CEP128: variants seen among roughly 807,000 people sequenced by gnomAD.
CEP128 encodes the protein centrosomal protein 128, also known as centrosomal protein 128kDa.
A neutral mutation model predicts 156.7 loss-of-function variants in CEP128; 132 were observed. That is an observed-to-expected ratio of 0.84 (90% CI 0.73 to 0.97). The LOEUF (loss-of-function observed/expected upper bound fraction) is 0.97, where lower values mean the gene tolerates loss of function less well. Ranked by LOEUF, CEP128 falls within the 50% of genes least tolerant of loss-of-function variation. The pLI is 0.00. For synonymous variants in CEP128, 469 were observed against 448.9 expected (o/e 1.04, Z -0.57); for missense variants, 1,252 against 1,281.9 (o/e 0.98, Z 0.36).
intron 19 of CEP128, among the ~76,000 whole-genome samples, chr14:80,665,108 A>C (rs1473419521): frequency 6.6e-6 from 1 of 152,210 alleles, no homozygotes; most frequent in African/African-American, 2.4e-5. Context: ...TTAGGTGTCA[A>C]GTGCTTGAAG....
chr14:80,814,680 G>A (rs138884894), intron 13 of CEP128, among the ~76,000 whole-genome samples: 23 of 152,184 alleles, frequency 1.5e-4, no homozygotes, highest in East Asian at 5.8e-4. Context: ...TCTTCTGGGC[G>A]TTGGTCTAAG....
chr14:80,519,368 C>T (rs1057276852), intron 23 of CEP128, among the ~76,000 whole-genome samples: 1 of 152,094 alleles, frequency 6.6e-6, no homozygotes, highest in African/African-American at 2.4e-5. Flanking sequence ...TTAATGATAC[C>T]CACCAAGTAT....
intron 14 of CEP128, among the ~76,000 whole-genome samples, chr14:80,791,421 G>C (rs1205250011): frequency 6.6e-6 from 1 of 152,136 alleles, no homozygotes; most frequent in African/African-American, 2.4e-5. Context: ...ACCTAGAAAA[G>C]TCTCAGCACC....
chr14:80,645,012 T>C (rs1894576250), intron 19 of CEP128, among the ~76,000 whole-genome samples: 1 of 152,162 alleles, frequency 6.6e-6, no homozygotes, highest in South Asian at 2.1e-4. Flanking sequence ...CAAACGTTGA[T>C]AAATGAGACA....
chr14:80,693,138 G>A (rs1211621715), intron 19 of CEP128, among the ~76,000 whole-genome samples: 1 of 152,088 alleles, frequency 6.6e-6, no homozygotes, highest in Admixed American at 6.6e-5. Flanking sequence ...TTTGAAAAAA[G>A]CAGCATCAGT....
chr14:80,719,386 C>T (rs1045705723), intron 19 of CEP128, among the ~76,000 whole-genome samples: 1 of 152,200 alleles, frequency 6.6e-6, no homozygotes, highest in African/African-American at 2.4e-5. Context: ...CTCAGCTAGT[C>T]CTAGAATTAT....
chr14:80,867,168 T>G (rs1887806640), intron 8 of CEP128, among the ~76,000 whole-genome samples: 1 of 152,202 alleles, frequency 6.6e-6, no homozygotes, highest in South Asian at 2.1e-4. Flanking sequence ...TAAGGGTTAC[T>G]TGAACAAAAG....
At chr14:80,945,289 A>G (rs563478706), upstream of CEP128, among the ~76,000 whole-genome samples, 9 of 152,228 alleles carry the variant, frequency 5.9e-5, no homozygotes, top group African/African-American at 1.7e-4. Context: ...AGAACTTTAT[A>G]CTATAGCCTA....
intron 20 of CEP128, among the ~76,000 whole-genome samples, chr14:80,576,569 C>G (rs1049929963): frequency 6.6e-5 from 10 of 152,092 alleles, no homozygotes; most frequent in African/African-American, 2.2e-4. Flanking sequence ...GCTCCACCCC[C>G]CCTGCCGTTT....
chr14:80,648,754 C>G (rs761360909), intron 19 of CEP128, among the ~76,000 whole-genome samples: 2 of 151,928 alleles, frequency 1.3e-5, no homozygotes, highest in Non-Finnish European at 2.9e-5. Context: ...TAATTAAACA[C>G]TAGTTTAAAA....
chr14:80,551,145 TC>T (rs1417184943), intron 21 of CEP128, among the ~76,000 whole-genome samples: 15 of 152,334 alleles, frequency 9.8e-5, no homozygotes, highest in African/African-American at 3.4e-4. Flanking sequence ...TACAAAGTTC[TC>T]TTTTGACTTT....
Position 80,589,345 on chromosome 14 carries a change from T to C in CEP128, c.2807-8922A>G, listed in dbSNP as rs58599638. On this transcript the variant is annotated intron_variant, in intron 19 of 24. Coordinates refer to ENST00000555265, the MANE Select transcript of CEP128 (RefSeq NM_152446.5). Reference sequence around the variant, plus strand: ...AAACTAACACACCTTAGAACTTTCATTAAGTAATAAATTCAACTCTAAGAA... The same window carrying C: ...AAACTAACACACCTTAGAACTTTCACTAAGTAATAAATTCAACTCTAAGAA... Among the ~76,000 whole-genome samples the C allele has an allele frequency of 5.7e-3, 866 of 152,240 alleles. 6 individuals carry two copies. The highest frequency in any genetic ancestry group is 0.02 in the African/African-American group (827 of 41,562).
intron 19 of CEP128, among the ~76,000 whole-genome samples, chr14:80,664,236 A>G (rs1488170380): frequency 1.3e-5 from 2 of 152,166 alleles, no homozygotes; most frequent in East Asian, 3.9e-4. Context: ...GCCTCAAGAA[A>G]AGAAAAGAAG....
intron 9 of CEP128, among the ~76,000 whole-genome samples, chr14:80,849,200 CAA>C (rs1244240562): frequency 6.6e-6 from 1 of 151,996 alleles, no homozygotes; most frequent in African/African-American, 2.4e-5. Flanking sequence ...AAATATAAAA[CAA>C]ATTATTTTAT....
intron 18 of CEP128, among the ~76,000 whole-genome samples, chr14:80,756,412 G>C (rs1024343202): frequency 6.6e-6 from 1 of 152,024 alleles, no homozygotes; most frequent in Non-Finnish European, 1.5e-5. Context: ...CAATCTCAGG[G>C]CATTATCTGT....
At chr14:80,656,042 T>C (rs1360171663) in intron 19 of CEP128, among the ~76,000 whole-genome samples, 1 of 151,672 alleles carries the variant, frequency 6.6e-6, no homozygotes, top group Non-Finnish European at 1.5e-5. Context: ...CCTTCCATGT[T>C]GCATATTGTT....
At chr14:80,932,160 G>A (rs1325914979) in intron 2 of CEP128, among the ~76,000 whole-genome samples, 2 of 152,344 alleles carry the variant, frequency 1.3e-5, no homozygotes, top group South Asian at 2.1e-4. Context: ...CTTCCACCAC[G>A]ATTGTAGGTT....
chr14:80,592,669 T>C (rs1288635768), intron 19 of CEP128, among the ~76,000 whole-genome samples: 1 of 152,182 alleles, frequency 6.6e-6, no homozygotes, highest in Non-Finnish European at 1.5e-5. Context: ...ACCATCCTGA[T>C]ACGAAAACCA....
rs138362072 is a variant in CEP128 at position 80,796,613 on chromosome 14, T to G, written c.1210-3503A>C. ...TATTCTTCTTCTTTCATAATCTCCT[T>G]TCCTGAGTCTCTCCTACCATTTAGC... On this transcript the variant is annotated intron_variant, in intron 13 of 24. Transcript: ENST00000555265. 3.0e-3 allele frequency among the ~76,000 whole-genome samples: 460 copies of G among 152,316 alleles called. 5 individuals carry two copies. The highest frequency in any genetic ancestry group is 4.3e-3 in the Non-Finnish European group (294 of 68,024).
Sources: gnomAD v4.1 joint callset for allele counts (sites outside exome capture counted in the v4.1 genomes callset) on GRCh38, gnomAD v4.1.1 for gene constraint, MANE v1.5 for transcripts, NCBI Gene and HGNC (gene_info 2026-07-23, HGNC 2026-07-21) for gene names.